GLB1: variants seen among roughly 807,000 people sequenced by gnomAD.
GLB1 encodes galactosidase beta 1, also known as beta-galactosidase.
A neutral mutation model predicts 74.0 loss-of-function variants in GLB1; 56 were observed. The observed-to-expected ratio is 0.76, with a 90% CI of 0.61 to 0.94. The LOEUF (loss-of-function observed/expected upper bound fraction) is 0.94, where lower values mean the gene tolerates loss of function less well. GLB1 is among the 40% of genes least tolerant of loss of function. The pLI is 0.00. For missense variants in GLB1, 787 were observed against 845.5 expected (o/e 0.93, Z 0.86); for synonymous variants, 323 against 323.6 (o/e 1.00, Z 0.02).
At position 32,997,199 on chromosome 3, in the gene GLB1, C is replaced by T. The variant is rs1375549649; in HGVS notation, c.1880G>A (p.Ser627Asn). 1.2e-6 allele frequency: 2 copies of T among 1,614,094 alleles called. No homozygotes were observed. Among genetic ancestry groups the T allele is most frequent in the Non-Finnish European group, 1.7e-6 (2 of 1,180,050 alleles). Residue 627 changes from serine (S) to asparagine (N), a missense_variant, in exon 16 of 16, where the codon AGC becomes AAC. Ser to Asn is a conservative substitution (Grantham distance 46, BLOSUM62 1). Transcript: ENST00000307363. ...TVLELEWAPC[S>N]SDDPELCAVT... ...AGCACATAGTTCTGGATCATCACTG[C>T]TGCAGGGTGCCCACTCCAGTTCCAG...
At chr3:33,075,167 T>C (rs778521854) in intron 1 of GLB1, among the ~76,000 whole-genome samples, 1 of 152,198 alleles carries the variant, frequency 6.6e-6, no homozygotes, top group Non-Finnish European at 1.5e-5. Flanking sequence ...ATTCTCATAG[T>C]ATATACATGG....
intron 15 of GLB1, among the ~76,000 whole-genome samples, chr3:33,009,471 G>A (rs544338712): frequency 7.9e-5 from 12 of 151,696 alleles, no homozygotes; most frequent in Admixed American, 5.9e-4. Context: ...GCAGTGAGCC[G>A]AGATTGTGCC....
chr3:33,067,705 GT>G (rs1232592825), intron 4 of GLB1, among the ~76,000 whole-genome samples: 3 of 152,192 alleles, frequency 2.0e-5, no homozygotes, highest in Non-Finnish European at 4.4e-5. Context: ...AGAATTACCA[GT>G]TTATCAGTAA....
chr3:33,024,297 G>C lies in GLB1; in HGVS notation c.1097C>G (p.Pro366Arg). The C allele has an allele frequency of 6.2e-7, 1 of 1,613,134 alleles. No individual in the cohort carries two copies. The highest frequency in any genetic ancestry group is 8.5e-7 in the Non-Finnish European group (1 of 1,179,932). The change falls in exon 11 of 16, where the codon CCT becomes CGT. Residue 366 changes from proline to arginine, a missense_variant. Pro to Arg is a moderately radical substitution (Grantham distance 103). Coordinates refer to ENST00000307363, the MANE Select transcript of GLB1 (RefSeq NM_000404.4). ...KFEKVPEGPI[P>R]PSTPKFAYGK... is the part of the protein sequence containing the mutation. ...ATATGCAAACTTTGGTGTAGATGGA[G>C]GGATAGGACCTTCTGGTACTTTTTC...
chr3:33,091,726 G>A, intron 1 of GLB1: 1 of 985,420 alleles, frequency 1.0e-6, no homozygotes, highest in Non-Finnish European at 1.2e-6. Flanking sequence ...TGAGTGAGCA[G>A]CAGGGTTAGC....
intron 1 of GLB1, among the ~76,000 whole-genome samples, chr3:33,085,274 CAAAAAA>C (rs772490092): frequency 1.5e-4 from 11 of 74,134 alleles, no homozygotes; most frequent in East Asian, 1.4e-3. Context: ...GAGTCTGTTT[CAAAAAA>C]AAAAAAAAAA....
At chr3:33,034,419 G>T (rs923207217) in intron 10 of GLB1, 14 of 740,882 alleles carry the variant, frequency 1.9e-5, no homozygotes, top group Non-Finnish European at 3.5e-5. Flanking sequence ...CCATCAGGTG[G>T]CTGTGACAAC....
chr3:33,015,685 C>A lies in GLB1; in HGVS notation c.1479+1024G>T, dbSNP rs115977091. ...GGCCTGTGAGAGCCAGGCAGGAGGC[C>A]ATGAAGTCCACCCTGAGCACAAGAA... On this transcript the variant is annotated intron_variant, in intron 14 of 15. Coordinates refer to ENST00000307363, the MANE Select transcript of GLB1 (RefSeq NM_000404.4). Among the ~76,000 whole-genome samples the A allele has an allele frequency of 5.4e-3, 819 of 152,312 alleles. 7 individuals are homozygous for A. The highest frequency in any genetic ancestry group is 0.017 in the African/African-American group (706 of 41,580).
intron 15 of GLB1, among the ~76,000 whole-genome samples, chr3:33,002,138 T>C (rs1354453980): frequency 6.6e-6 from 1 of 152,136 alleles, no homozygotes; most frequent in Non-Finnish European, 1.5e-5. Context: ...CAAAGTGACT[T>C]TCTCTGACCA....
chr3:33,097,010 C>T lies in GLB1; in HGVS notation c.75+1G>A. ...CCCGTACCCGGGTCCCGCAGACTTA[C>T]GCGCAAGCCGCGCGTAGGGCCCAGA... is the stretch of plus-strand genomic sequence containing the variant. On this transcript the variant is annotated splice_donor_variant, in intron 1 of 15. Transcript: ENST00000307363. LOFTEE classifies it high-confidence loss of function. 6.2e-7 allele frequency: 1 copy of T among 1,611,684 alleles called. No individual in the cohort carries two copies. Among genetic ancestry groups the T allele is most frequent in the Non-Finnish European group, 8.5e-7 (1 of 1,178,734 alleles).
At chr3:32,968,679 G>A in the GLB1 span, among the ~76,000 whole-genome samples, 1,906 of 152,282 alleles carry the variant, frequency 0.013, 86 homozygotes, top group East Asian at 0.14. Flanking sequence ...AGGAAAGAAG[G>A]AGCCCCTCCT....
At chr3:33,014,401 C>A in intron 14 of GLB1, 91 bp from the exon 15 acceptor site, 2 of 1,556,114 alleles carry the variant, frequency 1.3e-6, no homozygotes, top group Non-Finnish European at 1.7e-6. Flanking sequence ...GAAAAGCAAA[C>A]CGGGATACAA....
downstream of GLB1, among the ~76,000 whole-genome samples, chr3:32,995,470 G>C (rs184621024): frequency 4.9e-3 from 750 of 152,134 alleles, 5 homozygotes; most frequent in Non-Finnish European, 6.6e-3. Context: ...AGAACATCTA[G>C]AAAAAGGTAC....
chr3:33,047,822 T>G (rs1427027888), intron 9 of GLB1, among the ~76,000 whole-genome samples: 1 of 152,142 alleles, frequency 6.6e-6, no homozygotes, highest in Non-Finnish European at 1.5e-5. Flanking sequence ...TCTGGACCAC[T>G]CAACCAACTG....
rs1327905666 is a variant in GLB1, at chr3:33,072,607, G to A, written c.182C>T (p.Pro61Leu). Reference sequence around the variant, plus strand: ...CAGCCGGTCCTTCCAGTAGAAGCGGGGCACACGGGAGTAGTGAATGCTTCC... The same window carrying A: ...CAGCCGGTCCTTCCAGTAGAAGCGGAGCACACGGGAGTAGTGAATGCTTCC... ...ISGSIHYSRV[P>L]RFYWKDRLLK... Residue 61 changes from proline to leucine, a missense_variant, in exon 2 of 16, where the codon CCC becomes CTC. Coordinates refer to ENST00000307363, the MANE Select transcript of GLB1 (RefSeq NM_000404.4). The A allele has an allele frequency of 2.5e-6, 4 of 1,614,068 alleles. No individual in the cohort carries two copies. Among genetic ancestry groups the A allele is most frequent in the Non-Finnish European group, 2.5e-6 (3 of 1,180,036 alleles).
rs370107958 is a variant in GLB1, at chr3:33,046,190, T to A, written c.998A>T (p.Tyr333Phe). The A allele has an allele frequency of 1.7e-5, 28 of 1,613,912 alleles. No homozygotes were observed. Among genetic ancestry groups the A allele is most frequent in the Non-Finnish European group, 2.4e-5 (28 of 1,180,010 alleles). ...PYAAQPTSYD[Y>F]DAPLSEAGDL... ...CCCAGCCTCACTCAGTGGGGCATCA[T>A]AGTCGTAGCTGGTGGGCTGTGCTGC... Residue 333 changes from tyrosine (Y) to phenylalanine (F), a missense_variant, in exon 10 of 16, where the codon TAT becomes TTT. Transcript: ENST00000307363.
At chr3:32,999,814 C>T (rs1199536014) in intron 15 of GLB1, among the ~76,000 whole-genome samples, 1 of 152,160 alleles carries the variant, frequency 6.6e-6, no homozygotes, top group Non-Finnish European at 1.5e-5. Context: ...CCATGCCCAG[C>T]TCATTTTTGT....
At chr3:33,033,623 A>AT (rs1258753490) in intron 10 of GLB1, among the ~76,000 whole-genome samples, 2 of 151,948 alleles carry the variant, frequency 1.3e-5, no homozygotes, top group Non-Finnish European at 2.9e-5. Context: ...TCTCTACTAA[A>AT]ATACAAAATT....
chr3:32,964,043 T>C, the GLB1 span, among the ~76,000 whole-genome samples: 1 of 152,174 alleles, frequency 6.6e-6, no homozygotes, highest in African/African-American at 2.4e-5. Context: ...ACGTCAGTCC[T>C]GAGGATGAAT....
Sources: gnomAD v4.1 joint callset for allele counts (sites outside exome capture counted in the v4.1 genomes callset) on GRCh38, gnomAD v4.1.1 for gene constraint, MANE v1.5 for transcripts, NCBI Gene and HGNC (gene_info 2026-07-23, HGNC 2026-07-21) for gene names.